Variants in RHOBTB1 observed in about 807,000 individuals in gnomAD.
RHOBTB1 encodes rho-related BTB domain-containing protein 1.
RHOBTB1 carries 40 observed loss-of-function variants against 71.6 expected under a neutral mutation model. That is an observed-to-expected ratio of 0.56 (90% CI 0.43 to 0.73). The LOEUF is 0.73. Ranked by LOEUF, RHOBTB1 falls within the 30% of genes least tolerant of loss-of-function variation. The probability of loss-of-function intolerance (pLI) is 0.00; values close to 1 mark genes in which losing one functional copy is unlikely to be tolerated. For synonymous variants in RHOBTB1, 319 were observed against 334.9 expected, an observed-to-expected ratio of 0.95 and a Z score of 0.52; for missense variants, 797 against 894.0, an observed-to-expected ratio of 0.89 and a Z score of 1.38.
chr10:60,867,695 A>G (rs1172913299), downstream of RHOBTB1, among the ~76,000 whole-genome samples: 2 of 152,244 alleles, frequency 1.3e-5, no homozygotes, highest in African/African-American at 4.8e-5. Flanking sequence ...AAAACTATGC[A>G]TCTAAATGGC....
In RHOBTB1 at chr10:60,871,649, T is replaced by G. The variant is rs1284970401; in HGVS notation, c.1924A>C (p.Asn642His). The G allele has an allele frequency of 1.2e-6, 2 of 1,613,582 alleles. No homozygotes were observed. Among genetic ancestry groups the G allele is most frequent in the Non-Finnish European group, 1.7e-6 (2 of 1,179,834 alleles). The change falls in exon 11 of 11, where the codon AAC becomes CAC. Residue 642 changes from asparagine to histidine, a missense_variant and splice_region_variant. Around this residue, in one of 2 missense-constraint regions of RHOBTB1, gnomAD observed 658 missense variants for 681.5 expected, o/e 0.97. Coordinates refer to ENST00000337910, the MANE Select transcript of RHOBTB1 (RefSeq NM_014836.5). ...RKEIKSKSAD[N>H]QEYFERHRWP... ...CGGTGCCGCTCGAAGTATTCCTGGT[T>G]GTCTGGTGAAGGAAAGATGCAGACC...
At chr10:60,977,004 C>A (rs2086339167) in intron 2 of RHOBTB1, among the ~76,000 whole-genome samples, 1 of 151,912 alleles carries the variant, frequency 6.6e-6, no homozygotes, top group African/African-American at 2.4e-5. Context: ...AAAATCTTAG[C>A]TTCATTGGCT....
intron 2 of RHOBTB1, among the ~76,000 whole-genome samples, chr10:60,962,808 G>T (rs919710850): frequency 3.9e-5 from 6 of 152,052 alleles, no homozygotes; most frequent in Non-Finnish European, 7.4e-5. Flanking sequence ...TCTTCTTTCT[G>T]AGTCAGTCCT....
chr10:60,985,797 T>C (rs2086642896), intron 2 of RHOBTB1: 1 of 152,180 alleles, frequency 6.6e-6, no homozygotes, highest in Admixed American at 6.5e-5. Flanking sequence ...TTAAATATTG[T>C]AAGAAAGGGG....
At chr10:60,900,978 A>T (rs988322791) in intron 4 of RHOBTB1, among the ~76,000 whole-genome samples, 1 of 152,222 alleles carries the variant, frequency 6.6e-6, no homozygotes, top group Non-Finnish European at 1.5e-5. Context: ...CAGGAATTAG[A>T]TTATCTCCAG....
At chr10:60,943,790 A>T (rs112933076) in intron 1 of RHOBTB1, among the ~76,000 whole-genome samples, 181 bp downstream of exon 1, 1 of 151,670 alleles carries the variant, frequency 6.6e-6, no homozygotes, top group Non-Finnish European at 1.5e-5. Context: ...CCGGCCTCTC[A>T]GAGAGGCGAG....
chr10:60,943,596 G>T (rs937464270), intron 1 of RHOBTB1, among the ~76,000 whole-genome samples: 1 of 152,184 alleles, frequency 6.6e-6, no homozygotes, highest in African/African-American at 2.4e-5. Flanking sequence ...TCCGGTCCCC[G>T]CCCGGCCTCC....
intron 2 of RHOBTB1, among the ~76,000 whole-genome samples, chr10:60,911,803 T>C (rs1214422385): frequency 6.6e-6 from 1 of 152,206 alleles, no homozygotes; most frequent in African/African-American, 2.4e-5. Context: ...AACTGTTATT[T>C]TCTCCTTGGT....
chr10:60,955,692 T>G (rs1478908753), intron 2 of RHOBTB1, among the ~76,000 whole-genome samples: 2 of 152,064 alleles, frequency 1.3e-5, no homozygotes, highest in African/African-American at 4.8e-5. Flanking sequence ...CTTCCCTTAG[T>G]CTAAATTTGT....
At chr10:60,949,795 A>C (rs1259162179) in intron 2 of RHOBTB1, among the ~76,000 whole-genome samples, 1 of 151,752 alleles carries the variant, frequency 6.6e-6, no homozygotes, top group East Asian at 1.9e-4. Context: ...GAAGCATTAG[A>C]TACTGTGTAC....
intron 2 of RHOBTB1, among the ~76,000 whole-genome samples, chr10:60,960,357 C>T (rs547144241): frequency 1.3e-5 from 2 of 152,238 alleles, no homozygotes; most frequent in South Asian, 2.1e-4. Flanking sequence ...AGTATGTTTA[C>T]GTAAGTAACA....
At chr10:60,949,553 A>C (rs898443787) in intron 2 of RHOBTB1, among the ~76,000 whole-genome samples, 1 of 151,962 alleles carries the variant, frequency 6.6e-6, no homozygotes, top group African/African-American at 2.4e-5. Context: ...GTTTTGGTGT[A>C]GGAATCAACT....
chr10:60,975,265 T>C (rs182059860), intron 2 of RHOBTB1, among the ~76,000 whole-genome samples: 2 of 152,142 alleles, frequency 1.3e-5, no homozygotes, highest in East Asian at 1.9e-4. Flanking sequence ...TGGCTGGTGT[T>C]TTTAGGCCAT....
chr10:60,997,438 CTAAACTT>C (rs1589486968), intron 1 of RHOBTB1, among the ~76,000 whole-genome samples: 1 of 152,138 alleles, frequency 6.6e-6, no homozygotes, highest in Non-Finnish European at 1.5e-5. Context: ...TTTATGCCCT[CTAAACTT>C]TAAGAACTGT....
At chr10:60,917,339 C>G (rs2083319326) in intron 2 of RHOBTB1, among the ~76,000 whole-genome samples, 1 of 152,116 alleles carries the variant, frequency 6.6e-6, no homozygotes, top group Non-Finnish European at 1.5e-5. Context: ...AGCTCTGTCA[C>G]AAAAGCTTTC....
At chr10:60,955,199 C>T (rs1044345867) in intron 2 of RHOBTB1, among the ~76,000 whole-genome samples, 1 of 152,022 alleles carries the variant, frequency 6.6e-6, no homozygotes, top group Non-Finnish European at 1.5e-5. Flanking sequence ...CGTGCACCAC[C>T]ACTTCCAGCT....
At chr10:60,975,958 C>T (rs1246417502) in intron 2 of RHOBTB1, among the ~76,000 whole-genome samples, 1 of 152,130 alleles carries the variant, frequency 6.6e-6, no homozygotes, top group East Asian at 1.9e-4. Context: ...GGAGTCTTAT[C>T]TGGTTCTCTG....
rs540209341 is a variant in RHOBTB1, at chr10:60,871,374, C to T, written c.*108G>A. The T allele has an allele frequency of 8.8e-7, 1 of 1,137,188 alleles. No individual in the cohort carries two copies. The highest frequency in any genetic ancestry group is 1.6e-5 in the South Asian group (1 of 62,304). The allele number at this position is 1,137,188 out of a possible 1,614,324, so 70.4% of individuals were successfully genotyped here. On this transcript the variant is annotated 3_prime_UTR_variant, in exon 11 of 11. Coordinates refer to ENST00000337910, the MANE Select transcript of RHOBTB1 (RefSeq NM_014836.5). ...GTGGAGGAAGATCAGTGCCCGAAAC[C>T]TGAACTATGTCGTATCTCTAACAAG...
At chr10:60,881,131 C>G (rs1023356757) in intron 7 of RHOBTB1, among the ~76,000 whole-genome samples, 1 of 152,116 alleles carries the variant, frequency 6.6e-6, no homozygotes, top group African/African-American at 2.4e-5. Flanking sequence ...AGGGGTTTCC[C>G]CTTTTCACTT....
Sources: allele counts gnomAD v4.1 joint callset (sites outside exome capture counted in the v4.1 genomes callset), GRCh38; gene constraint gnomAD v4.1.1; regional missense constraint gnomAD v4.1.1; transcripts MANE v1.5; gene names NCBI Gene and HGNC (gene_info 2026-07-23, HGNC 2026-07-21).